The following NRXN3 variants were observed in gnomAD, a reference collection of about 807,000 sequenced individuals.
NRXN3 encodes the protein neurexin III.
NRXN3 carries 32 observed loss-of-function variants against 137.6 expected under a neutral mutation model. The ratio of observed to expected loss-of-function variants is 0.23; its 90% confidence interval spans 0.18 to 0.31. The LOEUF is 0.31. Ranked by LOEUF, NRXN3 falls within the 10% of genes least tolerant of loss-of-function variation. The probability of loss-of-function intolerance (pLI) is 1.00; values close to 1 mark genes in which losing one functional copy is unlikely to be tolerated. For synonymous variants in NRXN3, 798 were observed against 784.5 expected (o/e 1.02, Z -0.29); for missense variants, 1,574 against 2,062.5 (o/e 0.76, Z 4.59).
intron 1 of NRXN3, among the ~76,000 whole-genome samples, chr14:78,184,982 A>G (rs1257548372): frequency 6.6e-6 from 1 of 152,202 alleles, no homozygotes; most frequent in Non-Finnish European, 1.5e-5. Flanking sequence ...GGCTGTATAG[A>G]GGACTGAGGA....
At chr14:79,447,588 C>A (rs1483292415) in intron 15 of NRXN3, among the ~76,000 whole-genome samples, 2 of 152,184 alleles carry the variant, frequency 1.3e-5, no homozygotes, top group Non-Finnish European at 2.9e-5. Flanking sequence ...CTAGGAAGGA[C>A]CTGCCAACAT....
chr14:78,801,461 G>A (rs764661571), intron 8 of NRXN3, among the ~76,000 whole-genome samples: 5 of 152,070 alleles, frequency 3.3e-5, no homozygotes, highest in Non-Finnish European at 7.3e-5. Flanking sequence ...TTCACAAGGC[G>A]GCAGGAGAGA....
At chr14:79,157,288 T>C (rs989322250) in intron 15 of NRXN3, among the ~76,000 whole-genome samples, 5 of 151,854 alleles carry the variant, frequency 3.3e-5, no homozygotes, top group African/African-American at 1.2e-4. Context: ...TGAATCAACA[T>C]CTCTATCAGC....
chr14:78,421,261 C>CA lies in NRXN3; in HGVS notation c.757+123415dup, dbSNP rs34046580. ...CTGGTGACAGACTGAGACTCCATCTCAAAAAAAAAAAAAAGAAAAAAAAGA... is the reference window on the plus strand; with the variant it reads ...CTGGTGACAGACTGAGACTCCATCTCAAAAAAAAAAAAAAAGAAAAAAAAGA... On this transcript the variant is annotated intron_variant, in intron 4 of 20. Coordinates refer to ENST00000335750, the MANE Select transcript of NRXN3 (RefSeq NM_001330195.2). 7.2e-3 allele frequency among the ~76,000 whole-genome samples: 831 copies of CA among 116,014 alleles called. 5 individuals are homozygous for CA. The highest frequency in any genetic ancestry group is 0.021 in the Middle Eastern group (5 of 242). 76.1% of individuals were successfully genotyped at this position (116,014 alleles called of 152,430 possible). A position where few individuals can be genotyped will look rare whatever the true frequency, so the allele number is the denominator to read the frequency against.
chr14:78,844,223 A>C (rs540290893), intron 10 of NRXN3, among the ~76,000 whole-genome samples: 30 of 152,210 alleles, frequency 2.0e-4, no homozygotes, highest in African/African-American at 7.2e-4. Context: ...TCTCCGTCTA[A>C]CTTATAAGGA....
chr14:79,289,352 G>A (rs1016343533), intron 15 of NRXN3, among the ~76,000 whole-genome samples: 1 of 152,214 alleles, frequency 6.6e-6, no homozygotes, highest in Non-Finnish European at 1.5e-5. Context: ...TGGGCGCAGT[G>A]GCTCATGCCT....
intron 1 of NRXN3, among the ~76,000 whole-genome samples, chr14:78,209,567 G>A (rs1309885065): frequency 6.6e-6 from 1 of 152,120 alleles, no homozygotes. Context: ...ATTTTACATG[G>A]CATCAGGTAA....
intron 15 of NRXN3, among the ~76,000 whole-genome samples, chr14:79,433,693 A>G (rs1259961468): frequency 6.6e-6 from 1 of 152,202 alleles, no homozygotes; most frequent in African/African-American, 2.4e-5. Flanking sequence ...AACTAGTGAA[A>G]TAAGATTTTA....
At chr14:79,542,576 A>C (rs754703820) in intron 16 of NRXN3, among the ~76,000 whole-genome samples, 9 of 152,024 alleles carry the variant, frequency 5.9e-5, no homozygotes, top group African/African-American at 2.2e-4. Context: ...CTCCCGTCTC[A>C]CTGTAGGGCC....
chr14:78,320,375 A>T (rs1342052811), intron 4 of NRXN3, among the ~76,000 whole-genome samples: 1 of 152,174 alleles, frequency 6.6e-6, no homozygotes, highest in Admixed American at 6.5e-5. Flanking sequence ...GGGTCCTGGA[A>T]GCGTGGAGTG....
chr14:79,774,810 G>T (rs534884026), intron 19 of NRXN3, among the ~76,000 whole-genome samples: 1 of 152,198 alleles, frequency 6.6e-6, no homozygotes, highest in South Asian at 2.1e-4. Flanking sequence ...GATAATCTTT[G>T]CTCTCTATTT....
intron 15 of NRXN3, among the ~76,000 whole-genome samples, chr14:79,192,928 A>G (rs887069492): frequency 9.9e-5 from 15 of 151,594 alleles, no homozygotes; most frequent in African/African-American, 3.2e-4. Flanking sequence ...CTGCCACCAC[A>G]CCTGGCTAGT....
At chr14:79,101,625 T>C (rs563063950) in intron 15 of NRXN3, among the ~76,000 whole-genome samples, 1 of 152,314 alleles carries the variant, frequency 6.6e-6, no homozygotes, top group East Asian at 1.9e-4. Context: ...TGCAAACATC[T>C]TCTCCATCCT....
At chr14:79,356,454 A>G (rs1437225751) in intron 15 of NRXN3, among the ~76,000 whole-genome samples, 1 of 152,140 alleles carries the variant, frequency 6.6e-6, no homozygotes, top group Non-Finnish European at 1.5e-5. Context: ...TCATGTCTTC[A>G]TGCTGCATCC....
intron 4 of NRXN3, among the ~76,000 whole-genome samples, chr14:78,638,218 G>A (rs565545731): frequency 1.3e-5 from 2 of 152,318 alleles, no homozygotes; most frequent in Non-Finnish European, 2.9e-5. Context: ...CCTACGGAGA[G>A]TCTGAGGATA....
intron 10 of NRXN3, among the ~76,000 whole-genome samples, chr14:78,935,286 A>C (rs2099333171): frequency 6.6e-6 from 1 of 152,138 alleles, no homozygotes; most frequent in South Asian, 2.1e-4. Flanking sequence ...TGTACGTGAA[A>C]ATGTATTCTA....
chr14:79,774,846 C>T lies in NRXN3; in HGVS notation c.4015-30266C>T, dbSNP rs376315053. 4.6e-5 allele frequency among the ~76,000 whole-genome samples: 7 copies of T among 151,928 alleles called. No homozygotes were observed. In the East Asian group the frequency reaches 5.8e-4, roughly 13 times the overall value. ...TGTTATATGACACATGGGGCAAATA[C>T]GTGAGATGAGCAATTAGTGAAATTC... On this transcript the variant is annotated intron_variant, in intron 19 of 20. Coordinates refer to ENST00000335750, the MANE Select transcript of NRXN3 (RefSeq NM_001330195.2).
At chr14:78,858,157 G>A (rs1157898803) in intron 10 of NRXN3, among the ~76,000 whole-genome samples, 1 of 152,164 alleles carries the variant, frequency 6.6e-6, no homozygotes, top group Non-Finnish European at 1.5e-5. Flanking sequence ...AATTCCATCT[G>A]CAGAAGGTGA....
rs1427420573 is a variant in NRXN3 at position 79,861,448 on chromosome 14, T to C, written c.4200T>C (p.Thr1400=). The C allele has an allele frequency of 6.5e-7, 1 of 1,536,592 alleles. No individual in the cohort carries two copies. Among genetic ancestry groups the C allele is most frequent in the African/African-American group, 1.4e-5 (1 of 73,054 alleles). ...ACAAAGTCTCCGAAACTAGTAGGAC[T>C]ACTACCACATCTTTATCCCCTGAGC... The part of the protein sequence containing the change: ...RPNKVSETSR[T]TTTSLSPELI... The change falls in exon 21 of 21, where the codon ACT becomes ACC. Residue 1400 remains threonine (T), a synonymous_variant. Transcript: ENST00000335750. This position sits in a 1 kb window ranked among gnomAD's most constrained non-coding sequence, Gnocchi z 5.4.
Sources: allele counts gnomAD v4.1 joint callset (sites outside exome capture counted in the v4.1 genomes callset), GRCh38; gene constraint gnomAD v4.1.1; non-coding constraint Gnocchi (gnomAD v3.1); transcripts MANE v1.5; gene names NCBI Gene and HGNC (gene_info 2026-07-23, HGNC 2026-07-21).